The following RBPJ variants were observed in gnomAD, a reference collection of about 807,000 sequenced individuals.
RBPJ encodes the protein recombining binding protein suppressor of hairless.
A neutral mutation model predicts 67.8 loss-of-function variants in RBPJ; 9 were observed. The ratio of observed to expected loss-of-function variants is 0.13; its 90% confidence interval spans 0.08 to 0.23. RBPJ has a LOEUF of 0.23. Among genes scored for constraint, RBPJ ranks in the 10% least tolerant of loss-of-function variants. The pLI, the probability that RBPJ is intolerant of heterozygous loss-of-function variation, is 1.00. For missense variants in RBPJ, 305 were observed against 595.6 expected (o/e 0.51, Z 5.08); for synonymous variants, 198 against 203.3 (o/e 0.97, Z 0.22).
intron 1 of RBPJ, among the ~76,000 whole-genome samples, chr4:26,384,980 TCCTCCCCTCTCC>T (rs1314752878): frequency 1.3e-3 from 47 of 36,146 alleles, no homozygotes; most frequent in African/African-American, 5.5e-3. Context: ...CTCCCCTCTC[TCCTCCCCTCTCC>T]CCTCTCCTCC....
chr4:26,311,756 C>G (rs1722435433), intron 1 of RBPJ, among the ~76,000 whole-genome samples: 1 of 152,140 alleles, frequency 6.6e-6, no homozygotes, highest in South Asian at 2.1e-4. Flanking sequence ...AAAGGTTATA[C>G]TCAAGTTCTA....
At chr4:26,174,044 G>A (rs1716708097) in intron 1 of RBPJ, among the ~76,000 whole-genome samples, 1 of 152,236 alleles carries the variant, frequency 6.6e-6, no homozygotes, top group African/African-American at 2.4e-5. Flanking sequence ...GAAGTTACAG[G>A]AAGGACGCAC....
upstream of RBPJ, chr4:26,320,656 C>T: frequency 2.1e-6 from 3 of 1,415,214 alleles, no homozygotes; most frequent in Non-Finnish European, 2.8e-6. Flanking sequence ...CTCCTGACCC[C>T]TCCATTCCTC....
chr4:26,358,049 G>GTA (rs1727600467), intron 1 of RBPJ, among the ~76,000 whole-genome samples: 1 of 151,406 alleles, frequency 6.6e-6, no homozygotes, highest in East Asian at 1.9e-4. Context: ...GTGTGTGTGT[G>GTA]TGTATTTAAT....
chr4:26,330,574 G>GTAA (rs1204216071), intron 1 of RBPJ, among the ~76,000 whole-genome samples: 1 of 152,218 alleles, frequency 6.6e-6, no homozygotes, highest in Non-Finnish European at 1.5e-5. Flanking sequence ...TTAGAAAAGT[G>GTAA]TAATGCCTTT....
intron 1 of RBPJ, among the ~76,000 whole-genome samples, chr4:26,364,775 G>A (rs1685213529): frequency 6.6e-6 from 1 of 151,814 alleles, no homozygotes; most frequent in Non-Finnish European, 1.5e-5. Flanking sequence ...ACAGGCGCGA[G>A]CCACCATGCC....
chr4:26,358,020 C>CGTGTGT (rs4069724), intron 1 of RBPJ, among the ~76,000 whole-genome samples: 48,824 of 144,840 alleles, frequency 0.34, 8,130 homozygotes, highest in Middle Eastern at 0.41. Context: ...AGGGGGTATT[C>CGTGTGT]GTGTGTGTGT....
intron 1 of RBPJ, among the ~76,000 whole-genome samples, chr4:26,288,003 G>T (rs1235784299): frequency 6.6e-6 from 1 of 152,174 alleles, no homozygotes; most frequent in East Asian, 1.9e-4. Context: ...ATGATCCTAA[G>T]ATATTTGAGT....
intron 1 of RBPJ, among the ~76,000 whole-genome samples, chr4:26,254,746 C>T (rs774054795): frequency 2.9e-4 from 42 of 144,670 alleles, no homozygotes; most frequent in Middle Eastern, 3.5e-3. Flanking sequence ...GGTGCAATCT[C>T]GGCTCACTGC....
At chr4:26,401,428 T>C (rs1732787307) in intron 2 of RBPJ, among the ~76,000 whole-genome samples, 1 of 152,218 alleles carries the variant, frequency 6.6e-6, no homozygotes, top group African/African-American at 2.4e-5. Context: ...AGTGTTACCC[T>C]CAAGGTCATT....
At chr4:26,404,210 G>A (rs1441583468) in intron 2 of RBPJ, among the ~76,000 whole-genome samples, 1 of 151,704 alleles carries the variant, frequency 6.6e-6, no homozygotes, top group Non-Finnish European at 1.5e-5. Flanking sequence ...CATATCCTTT[G>A]CCTACTTTTT....
At chr4:26,212,393 C>T (rs1393504506) in intron 1 of RBPJ, among the ~76,000 whole-genome samples, 1 of 149,632 alleles carries the variant, frequency 6.7e-6, no homozygotes, top group African/African-American at 2.5e-5. Flanking sequence ...AAAACAGATT[C>T]TCCCTTTCTC....
At chr4:26,405,729 A>G (rs1490983302) in intron 2 of RBPJ, among the ~76,000 whole-genome samples, 1 of 152,166 alleles carries the variant, frequency 6.6e-6, no homozygotes, top group African/African-American at 2.4e-5. Flanking sequence ...GATTTGTTAC[A>G]GCTTTTGTAT....
At chr4:26,228,076 C>G (rs1010481525) in intron 1 of RBPJ, among the ~76,000 whole-genome samples, 1 of 152,232 alleles carries the variant, frequency 6.6e-6, no homozygotes, top group African/African-American at 2.4e-5. Context: ...AGCCCTGCGC[C>G]CCACCCATCC....
chr4:26,229,809 A>G (rs1295776678), intron 1 of RBPJ, among the ~76,000 whole-genome samples: 1 of 152,232 alleles, frequency 6.6e-6, no homozygotes, highest in African/African-American at 2.4e-5. Flanking sequence ...GAAGGTACTG[A>G]GCCAGGTTTA....
intron 1 of RBPJ, among the ~76,000 whole-genome samples, chr4:26,281,088 T>C (rs769401981): frequency 2.0e-5 from 3 of 152,212 alleles, no homozygotes; most frequent in African/African-American, 7.2e-5. Flanking sequence ...TAAGGAGTTG[T>C]CTTAATTTTA....
At chr4:26,309,442 T>C (rs1722353517) in intron 1 of RBPJ, among the ~76,000 whole-genome samples, 1 of 152,234 alleles carries the variant, frequency 6.6e-6, no homozygotes, top group Admixed American at 6.5e-5. Flanking sequence ...AAGAAATTTA[T>C]TGAGTGCCTA....
At chr4:26,282,605 C>T (rs1721312592) in intron 1 of RBPJ, among the ~76,000 whole-genome samples, 1 of 151,954 alleles carries the variant, frequency 6.6e-6, no homozygotes, top group African/African-American at 2.4e-5. Context: ...ACTGCAACCT[C>T]TACCTCCCGG....
intron 1 of RBPJ, among the ~76,000 whole-genome samples, chr4:26,278,111 C>T (rs984785216): frequency 6.6e-6 from 1 of 152,184 alleles, no homozygotes; most frequent in African/African-American, 2.4e-5. Context: ...AGGAACTCTT[C>T]GCTGATTCTG....
Sources: gnomAD v4.1 joint callset for allele counts (sites outside exome capture counted in the v4.1 genomes callset) on GRCh38, gnomAD v4.1.1 for gene constraint, MANE v1.5 for transcripts, NCBI Gene and HGNC (gene_info 2026-07-23, HGNC 2026-07-21) for gene names.